The following PXK variants were observed in gnomAD, a reference collection of about 807,000 sequenced individuals.
PXK encodes PX domain-containing protein kinase-like protein.
PXK carries 35 observed loss-of-function variants against 84.7 expected under a neutral mutation model. The ratio of observed to expected loss-of-function variants is 0.41; its 90% CI spans 0.32 to 0.55. The LOEUF is 0.55. PXK is among the 20% of genes least tolerant of loss of function. The pLI is 0.21. For missense variants in PXK, 634 were observed against 699.7 expected (o/e 0.91, Z 1.06); for synonymous variants, 253 against 260.8 (o/e 0.97, Z 0.29).
chr3:58,391,902 T>C (rs1474719482), intron 7 of PXK, 55 bp downstream of exon 7: 8 of 1,491,148 alleles, frequency 5.4e-6, no homozygotes, highest in Admixed American at 1.7e-5. Context: ...CACAGTATTT[T>C]TTCTGGGTGA....
rs1415595933 is a variant in PXK, at chr3:58,421,551, G to T, written c.1529-3201G>T. The T allele has an allele frequency of 4.1e-6, 4 of 971,322 alleles. No individual in the cohort carries two copies. The highest frequency in any genetic ancestry group is 4.9e-6 in the Non-Finnish European group (4 of 815,174). The allele number at this position is 971,322 out of a possible 1,614,324, so 60.2% of individuals were successfully genotyped here. On this transcript the variant is annotated intron_variant, in intron 17 of 17. Coordinates refer to ENST00000356151, the MANE Select transcript of PXK (RefSeq NM_017771.5). The surrounding 1 kb of genome is among the most constrained non-coding windows in gnomAD (Gnocchi z 5.5). ...GCCGAGATCGCGCCACTGCACTCCA[G>T]CCTGGGCAACAGAGCGAGACTCCAT...
In PXK at chr3:58,398,459, A is replaced by C. The variant is rs1576552082; in HGVS notation, c.1102+737A>C. On this transcript the variant is annotated intron_variant, in intron 11 of 17. Transcript: ENST00000356151. The surrounding 1 kb of genome is among the most constrained non-coding windows in gnomAD (Gnocchi z 4.5). Reference sequence around the variant, plus strand: ...GCCATAGGCCAGAAGCCTAGTAGATAAGAGCCTAGCAGGCCCAGACCTAGG... The same window carrying C: ...GCCATAGGCCAGAAGCCTAGTAGATCAGAGCCTAGCAGGCCCAGACCTAGG... Among the ~76,000 whole-genome samples the C allele has an allele frequency of 6.6e-6, 1 of 152,320 alleles. No individual in the cohort carries two copies. The highest frequency in any genetic ancestry group is 1.5e-5 in the Non-Finnish European group (1 of 68,026).
At chr3:58,346,225 AG>A (rs2097815484) in intron 1 of PXK, among the ~76,000 whole-genome samples, 1 of 152,014 alleles carries the variant, frequency 6.6e-6, no homozygotes, top group African/African-American at 2.4e-5. Flanking sequence ...AACAACAGTG[AG>A]GGGGGGTTTG....
chr3:58,407,746 G>A lies in PXK; in HGVS notation c.1231-1178G>A, dbSNP rs1461926010. On this transcript the variant is annotated intron_variant, in intron 13 of 17. Transcript: ENST00000356151. The surrounding 1 kb of genome is among the most constrained non-coding windows in gnomAD (Gnocchi z 4.3). Reference sequence around the variant, plus strand: ...TAATTTTTGTATCTTTAGTAGAGACGGGGTTTTGCCATGTTGGCCAGGCTG... The same window carrying A: ...TAATTTTTGTATCTTTAGTAGAGACAGGGTTTTGCCATGTTGGCCAGGCTG... Among the ~76,000 whole-genome samples, 2 of 151,952 alleles carry A rather than the reference G, an allele frequency of 1.3e-5. No homozygotes were observed. The highest frequency in any genetic ancestry group is 2.9e-5 in the Non-Finnish European group (2 of 67,986).
intron 3 of PXK, among the ~76,000 whole-genome samples, chr3:58,380,549 G>A (rs1415758045): frequency 3.3e-5 from 5 of 152,138 alleles, no homozygotes; most frequent in Admixed American, 2.0e-4. Context: ...AGTGGCTCAC[G>A]CCTGTAATCC....
rs2098544328 is a variant in PXK at position 58,385,584 on chromosome 3, G to A, written c.388+2884G>A. Among the ~76,000 whole-genome samples the A allele has an allele frequency of 6.6e-6, 1 of 152,144 alleles. No homozygotes were observed. Among genetic ancestry groups the A allele is most frequent in the Non-Finnish European group, 1.5e-5 (1 of 68,022 alleles). On this transcript the variant is annotated intron_variant, in intron 4 of 17. Transcript: ENST00000356151. This position sits in a 1 kb window ranked among gnomAD's most constrained non-coding sequence, Gnocchi z 5.1. ...CACTATCCCAGCTCTGTGCAGCCGTGACCTTCTGGGTTCAAGTGATCCTTG... is the reference window on the plus strand; with the variant it reads ...CACTATCCCAGCTCTGTGCAGCCGTAACCTTCTGGGTTCAAGTGATCCTTG...
At chr3:58,352,106 A>G (rs4681682) in intron 1 of PXK, among the ~76,000 whole-genome samples, 109,596 of 152,190 alleles carry the variant, frequency 0.72, 40,482 homozygotes, top group East Asian at 1. Flanking sequence ...TGACTGGAAA[A>G]TGTGTGCCCT....
At chr3:58,360,359 G>A (rs576701159) in intron 1 of PXK, among the ~76,000 whole-genome samples, 3 of 152,218 alleles carry the variant, frequency 2.0e-5, no homozygotes, top group East Asian at 1.9e-4. Context: ...AGTGTAATAC[G>A]ATCAATTTTA....
Position 58,411,383 on chromosome 3 carries a change from GGA to G in PXK, c.1465+1228_1465+1229del, listed in dbSNP as rs1405140714. On this transcript the variant is annotated intron_variant, in intron 16 of 17. Transcript: ENST00000356151. The surrounding 1 kb of genome is among the most constrained non-coding windows in gnomAD (Gnocchi z 4.2). ...AGAAGGGCTCAGGAAGAGCTGCAAA[GGA>G]GAGGAAGGAGGGGTGGTCCCAATGA... Among the ~76,000 whole-genome samples, 1 of 152,212 alleles carries G rather than the reference GGA, an allele frequency of 6.6e-6. No homozygotes were observed. Among genetic ancestry groups the G allele is most frequent in the East Asian group, 1.9e-4 (1 of 5,196 alleles).
chr3:58,399,259 G>T lies in PXK; in HGVS notation c.1103-40G>T. On this transcript the variant is annotated intron_variant, in intron 11 of 17. Transcript: ENST00000356151. This position sits in a 1 kb window ranked among gnomAD's most constrained non-coding sequence, Gnocchi z 4.3. ...TTCATCAGCAAGTGGATTTGCCAGCGTGTTCTGTGGAACTAAAATGTGTAT... is the reference window on the plus strand; with the variant it reads ...TTCATCAGCAAGTGGATTTGCCAGCTTGTTCTGTGGAACTAAAATGTGTAT... 6.4e-7 allele frequency: 1 copy of T among 1,572,260 alleles called. No individual in the cohort carries two copies. Among genetic ancestry groups the T allele is most frequent in the Non-Finnish European group, 8.8e-7 (1 of 1,142,146 alleles).
intron 17 of PXK, among the ~76,000 whole-genome samples, chr3:58,415,798 C>G (rs2060867007): frequency 6.6e-6 from 1 of 152,152 alleles, no homozygotes; most frequent in African/African-American, 2.4e-5. Context: ...GGCTTACAGG[C>G]AAGGATTTTT....
At chr3:58,392,770 T>A (rs1232783137) in intron 7 of PXK, among the ~76,000 whole-genome samples, 3 of 151,842 alleles carry the variant, frequency 2.0e-5, no homozygotes, top group Non-Finnish European at 2.9e-5. Flanking sequence ...CAGGCGATTC[T>A]CCTGCCTCAG....
At chr3:58,405,331 A>G (rs2059225302) in intron 13 of PXK, among the ~76,000 whole-genome samples, 1 of 152,158 alleles carries the variant, frequency 6.6e-6, no homozygotes, top group Non-Finnish European at 1.5e-5. Flanking sequence ...GTTCAACATG[A>G]TCTGGGGGTC....
chr3:58,422,881 T>C, intron 17 of PXK: 1 of 985,388 alleles, frequency 1.0e-6, no homozygotes, highest in Non-Finnish European at 1.2e-6. Flanking sequence ...AACTGCACAG[T>C]GATTCTTCTG....
In PXK at chr3:58,391,069, T is replaced by C; in HGVS notation, c.467-78T>C. The C allele has an allele frequency of 9.6e-6, 10 of 1,036,464 alleles. No homozygotes were observed. In the South Asian group the frequency reaches 1.4e-4, roughly 14 times the overall value. 64.2% of individuals were successfully genotyped at this position (1,036,464 alleles called of 1,614,324 possible). On this transcript the variant is annotated intron_variant, in intron 5 of 17. Transcript: ENST00000356151. ...ATAATATTGCCAAACTTAATTTTTC[T>C]TGATTACCTAGTCAGTGAAACATAT... is the stretch of plus-strand genomic sequence containing the variant.
At chr3:58,349,502 C>T (rs1038971855) in intron 1 of PXK, among the ~76,000 whole-genome samples, 4 of 151,828 alleles carry the variant, frequency 2.6e-5, no homozygotes, top group Admixed American at 2.0e-4. Context: ...ATTACAGGCT[C>T]CTGCCACCAC....
intron 2 of PXK, among the ~76,000 whole-genome samples, chr3:58,367,398 C>G (rs1482261033): frequency 6.6e-6 from 1 of 152,104 alleles, no homozygotes; most frequent in Non-Finnish European, 1.5e-5. Flanking sequence ...GCACCCGCCA[C>G]CACGCCCAGC....
At chr3:58,376,060 T>C (rs765987976) in intron 3 of PXK, among the ~76,000 whole-genome samples, 1 of 152,358 alleles carries the variant, frequency 6.6e-6, no homozygotes, top group Non-Finnish European at 1.5e-5. Context: ...TTTAGGTCTT[T>C]AGAAGTTTGC....
At chr3:58,413,186 A>G (rs1186336716) in intron 17 of PXK, 7 of 591,408 alleles carry the variant, frequency 1.2e-5, no homozygotes, top group Admixed American at 5.9e-5. Context: ...CAGGGCCACT[A>G]GCCACCCCCG....
Sources: allele counts gnomAD v4.1 joint callset (sites outside exome capture counted in the v4.1 genomes callset), GRCh38; gene constraint gnomAD v4.1.1; non-coding constraint Gnocchi (gnomAD v3.1); transcripts MANE v1.5; gene names NCBI Gene and HGNC (gene_info 2026-07-23, HGNC 2026-07-21).